The following SUN1 variants were observed in gnomAD, a reference collection of about 807,000 sequenced individuals.
SUN1 encodes SUN domain-containing protein 1.
Under a neutral mutation model 103.2 loss-of-function variants are expected in SUN1, and 61 were observed. The observed-to-expected ratio is 0.59, with a 90% CI of 0.48 to 0.73. The LOEUF is 0.73. Ranked by LOEUF, SUN1 falls within the 30% of genes least tolerant of loss-of-function variation. The pLI, the probability that SUN1 is intolerant of heterozygous loss-of-function variation, is 0.00. For synonymous variants in SUN1, 490 were observed against 425.7 expected (o/e 1.15, Z -1.86); for missense variants, 1,052 against 1,034.6 (o/e 1.02, Z -0.23).
Position 851,967 on chromosome 7 carries a change from G to A in SUN1, c.775G>A (p.Val259Met), listed in dbSNP as rs1305514914. The A allele has an allele frequency of 3.7e-6, 6 of 1,614,092 alleles. No individual in the cohort carries two copies. The highest frequency in any genetic ancestry group is 5.1e-6 in the Non-Finnish European group (6 of 1,179,984). The change falls in exon 7 of 19, where the codon GTG (valine) becomes ATG (methionine). Residue 259 changes from valine to methionine, a missense_variant. Physicochemically the swap from Val to Met is conservative, Grantham distance 21 (BLOSUM62 1). Around this residue, in one of 2 missense-constraint regions of SUN1, gnomAD observed 846 missense variants for 774.5 expected, o/e 1.09. Coordinates refer to ENST00000401592, the MANE Select transcript of SUN1 (RefSeq NM_001130965.3). ...VVAPGKAASG[V>M]FWWLGIGWYQ... ...TCTTGTAGGGAAGGCAGCCTCTGGAGTGTTCTGGTGGCTGGGGATTGGATG... is the reference window on the plus strand; with the variant it reads ...TCTTGTAGGGAAGGCAGCCTCTGGAATGTTCTGGTGGCTGGGGATTGGATG...
chr7:864,605 C>G (rs1463540005), intron 15 of SUN1, among the ~76,000 whole-genome samples: 1 of 148,800 alleles, frequency 6.7e-6, no homozygotes, highest in African/African-American at 2.5e-5. Flanking sequence ...TCACCCTGTT[C>G]TGCTATCATA....
At chr7:868,205 C>T (rs1005052599) in intron 16 of SUN1, among the ~76,000 whole-genome samples, 2 of 152,226 alleles carry the variant, frequency 1.3e-5, no homozygotes. Flanking sequence ...TGCACGGTCT[C>T]CTCCTCCGTT....
intron 1 of SUN1, among the ~76,000 whole-genome samples, chr7:837,729 G>A (rs980278276): frequency 2.0e-5 from 3 of 152,120 alleles, no homozygotes; most frequent in African/African-American, 7.2e-5. Flanking sequence ...GATGGTGCTG[G>A]GCCAGCATCC....
chr7:828,261 TTTTTTGTTTTTG>T (rs1450032556), upstream of SUN1, among the ~76,000 whole-genome samples: 5 of 135,326 alleles, frequency 3.7e-5, no homozygotes, highest in African/African-American at 1.5e-4. Context: ...TTTGTTTTTG[TTTTTTGTTTTTG>T]TTTTGTTTTG....
intron 17 of SUN1, among the ~76,000 whole-genome samples, chr7:872,116 C>T (rs978468295): frequency 2.0e-5 from 3 of 152,192 alleles, no homozygotes; most frequent in African/African-American, 7.2e-5. Context: ...AGCAGGTGCT[C>T]CAGAGCTTCC....
intron 1 of SUN1, among the ~76,000 whole-genome samples, chr7:822,525 G>A (rs1313496559): frequency 1.3e-5 from 2 of 152,118 alleles, no homozygotes; most frequent in Non-Finnish European, 2.9e-5. Context: ...GCAGCCCTTT[G>A]GTCGCTTTGT....
chr7:845,446 T>G (rs978205730), intron 5 of SUN1, among the ~76,000 whole-genome samples: 1 of 152,138 alleles, frequency 6.6e-6, no homozygotes, highest in Non-Finnish European at 1.5e-5. Flanking sequence ...CACTAGTGTA[T>G]CGCCCTGTAT....
chr7:874,040 G>T lies in SUN1; in HGVS notation c.*709G>T, dbSNP rs762031106. On this transcript the variant is annotated 3_prime_UTR_variant, in exon 19 of 19. Transcript: ENST00000401592. ...TTGGATCTAAGCAAACACCCAGATG[G>T]GGTTCTCTGGTCTCAGCAAGGCTTT... The T allele has an allele frequency of 1.3e-5, 2 of 152,176 alleles. No homozygotes were observed. Among genetic ancestry groups the T allele is most frequent in the African/African-American group, 2.4e-5 (1 of 41,434 alleles). 9.4% of individuals were successfully genotyped at this position (152,176 alleles called of 1,614,324 possible).
chr7:855,133 G>A, intron 11 of SUN1, 127 bp downstream of exon 11: 1 of 729,992 alleles, frequency 1.4e-6, no homozygotes, highest in Admixed American at 2.8e-5. Context: ...TGTGTAAAAT[G>A]GAAAGAAACA....
chr7:841,625 A>C (rs1250321190), intron 2 of SUN1, among the ~76,000 whole-genome samples: 3 of 152,178 alleles, frequency 2.0e-5, no homozygotes, highest in African/African-American at 7.2e-5. Flanking sequence ...GGGAGGATTA[A>C]ATTTATAAAT....
At chr7:816,362 C>T, upstream of SUN1, 1 of 211,722 alleles carries the variant, frequency 4.7e-6, no homozygotes, top group Non-Finnish European at 9.7e-6. Context: ...TGCAGTCCCC[C>T]TCCTCCAGGT....
intron 12 of SUN1, 74 bp from the exon 13 acceptor site, chr7:857,754 C>T (rs1828822498): frequency 1.4e-6 from 2 of 1,440,500 alleles, no homozygotes; most frequent in South Asian, 1.6e-5. Context: ...GGGTTCCCCT[C>T]AGCCTGTGTG....
upstream of SUN1, chr7:816,498 C>T (rs1054110540): frequency 7.2e-6 from 2 of 277,570 alleles, no homozygotes; most frequent in South Asian, 2.6e-5. Context: ...CCGCCCGCGG[C>T]CCGTAGCCGC....
intron 9 of SUN1, 200 bp from the exon 10 acceptor site, chr7:853,209 A>G (rs1823880722): frequency 8.0e-6 from 6 of 748,224 alleles, no homozygotes; most frequent in East Asian, 5.4e-5. Context: ...TACAGAAAGT[A>G]TAGAGAAGAA....
chr7:866,115 G>T (rs370673969), intron 16 of SUN1, 48 bp downstream of exon 16: 1 of 1,539,192 alleles, frequency 6.5e-7, no homozygotes, highest in East Asian at 2.3e-5. Flanking sequence ...GCATGGACTC[G>T]GTTAGTGTTC....
At chr7:840,395 C>G (rs1808176113) in intron 2 of SUN1, among the ~76,000 whole-genome samples, 1 of 152,232 alleles carries the variant, frequency 6.6e-6, no homozygotes, top group African/African-American at 2.4e-5. Flanking sequence ...AGCAAGTGTG[C>G]TGCAGCTGTA....
At chr7:837,532 G>C (rs1040835560) in intron 1 of SUN1, among the ~76,000 whole-genome samples, 6 of 152,336 alleles carry the variant, frequency 3.9e-5, no homozygotes, top group South Asian at 2.1e-4. Context: ...TTAAGGCCTA[G>C]TGGTCTTAAA....
intron 8 of SUN1, 39 bp downstream of exon 8, chr7:852,706 C>T (rs116445423): frequency 2.4e-5 from 39 of 1,613,946 alleles, no homozygotes; most frequent in South Asian, 1.2e-4. Context: ...GATGGCTAAG[C>T]GGTACACACA....
chr7:816,540 C>G, upstream of SUN1: 1 of 362,736 alleles, frequency 2.8e-6, no homozygotes, highest in Admixed American at 3.7e-5. Context: ...TCGGGTGGCG[C>G]GCTCGGGACT....
Sources: gnomAD v4.1 joint callset for allele counts (sites outside exome capture counted in the v4.1 genomes callset) on GRCh38, gnomAD v4.1.1 for gene constraint, gnomAD v4.1.1 regional missense constraint, MANE v1.5 for transcripts, NCBI Gene and HGNC (gene_info 2026-07-23, HGNC 2026-07-21) for gene names.